Variants in MYCBP2 observed in about 807,000 individuals in gnomAD.
The protein encoded by MYCBP2 is MYC binding protein 2.
MYCBP2 carries 120 observed loss-of-function variants against 525.3 expected under a neutral mutation model. That is an observed-to-expected ratio of 0.23 (90% CI 0.20 to 0.27). The LOEUF (loss-of-function observed/expected upper bound fraction) is 0.27. Among genes scored for constraint, MYCBP2 ranks in the 10% least tolerant of loss-of-function variants. The probability of loss-of-function intolerance (pLI) is 1.00; values close to 1 mark genes in which losing one functional copy is unlikely to be tolerated. For missense variants in MYCBP2, 4,149 were observed against 5,657.1 expected (o/e 0.73, Z 8.55); for synonymous variants, 1,894 against 1,955.8 (o/e 0.97, Z 0.83).
At chr13:77,177,985 G>A in intron 34 of MYCBP2, 31 bp from the exon 35 acceptor site, 1 of 1,333,220 alleles carries the variant, frequency 7.5e-7, no homozygotes. Flanking sequence ...TGTATCAGTA[G>A]TTGGTATACC....
At chr13:77,139,992 C>A (rs759670484) in intron 51 of MYCBP2, 55 bp downstream of exon 51, 5 of 1,221,944 alleles carry the variant, frequency 4.1e-6, no homozygotes, top group Non-Finnish European at 5.8e-6. Flanking sequence ...ATTATGCAAA[C>A]AATGCAAAAA....
In MYCBP2 at chr13:77,171,494, T is replaced by C. The variant is rs1457301244; in HGVS notation, c.5792A>G (p.Asp1931Gly). The change falls in exon 38 of 83, where the codon GAT becomes GGT. Residue 1931 changes from aspartate (D) to glycine (G), a missense_variant and splice_region_variant. Physicochemically the swap from Asp to Gly is moderately conservative, Grantham distance 94 (BLOSUM62 -1). This residue lies in a region of MYCBP2 where 692 missense variants were observed against 852.7 expected (regional missense o/e 0.81). Coordinates refer to ENST00000544440, the MANE Select transcript of MYCBP2 (RefSeq NM_015057.5). Reference protein sequence around the residue: ...KDLLHRALAVDADDIPELLSS... With the variant: ...KDLLHRALAVGADDIPELLSS... ...TACTGAGAAAGAAAAAATATTACCATCCACAGCAAGAGCTCTGTGCAGGAG... is the reference window on the plus strand; with the variant it reads ...TACTGAGAAAGAAAAAATATTACCACCCACAGCAAGAGCTCTGTGCAGGAG... 1.9e-6 allele frequency: 3 copies of C among 1,609,898 alleles called. No homozygotes were observed. In the Admixed American group the frequency reaches 5.1e-5, roughly 27 times the overall value.
Position 77,251,454 on chromosome 13 carries a change from T to G in MYCBP2, c.2177-99A>C, listed in dbSNP as rs963647948. On this transcript the variant is annotated intron_variant, in intron 14 of 82. Transcript: ENST00000544440. ...AGTTTAAAAAATGACAGCATGCTAA[T>G]CCAAGCAATTATACAAAGAAATGCT... 4 of 963,628 alleles carry G rather than the reference T, an allele frequency of 4.2e-6. No individual in the cohort carries two copies. In the African/African-American group the frequency reaches 6.5e-5, roughly 16 times the overall value. The allele number at this position is 963,628 out of a possible 1,614,324, so 59.7% of individuals were successfully genotyped here.
chr13:77,155,695 A>G (rs2057128429), intron 46 of MYCBP2, among the ~76,000 whole-genome samples: 2 of 152,144 alleles, frequency 1.3e-5, no homozygotes. Context: ...AACGTACTTG[A>G]GTCTTTCAAA....
Position 77,202,655 on chromosome 13 carries a change from G to A in MYCBP2, c.3843+2601C>T, listed in dbSNP as rs2062772583. Among the ~76,000 whole-genome samples the A allele has an allele frequency of 3.3e-5, 5 of 151,808 alleles. No homozygotes were observed. In the South Asian group the frequency reaches 1.0e-3, roughly 32 times the overall value. ...ATGCAAAAATCCTCAATAAAATACT[G>A]GCAAAACGAATCCAGCAGCACATCA... On this transcript the variant is annotated intron_variant, in intron 26 of 82. Coordinates refer to ENST00000544440, the MANE Select transcript of MYCBP2 (RefSeq NM_015057.5).
At chr13:77,139,587 C>T (rs376951416) in intron 51 of MYCBP2, among the ~76,000 whole-genome samples, 6 of 152,278 alleles carry the variant, frequency 3.9e-5, no homozygotes, top group South Asian at 4.1e-4. Context: ...AAGGAAACCA[C>T]ACTTTAAGAT....
intron 40 of MYCBP2, among the ~76,000 whole-genome samples, chr13:77,168,093 T>G (rs1184717605): frequency 6.6e-6 from 1 of 152,168 alleles, no homozygotes; most frequent in African/African-American, 2.4e-5. Context: ...ACAAATAATG[T>G]TAGTTCAAAA....
intron 1 of MYCBP2, among the ~76,000 whole-genome samples, chr13:77,322,834 T>G (rs1357841171): frequency 1.3e-5 from 2 of 152,130 alleles, no homozygotes; most frequent in African/African-American, 4.8e-5. Flanking sequence ...CTTCATACAT[T>G]TCCTGTCCAA....
chr13:77,271,968 T>A (rs2154345727), intron 5 of MYCBP2, among the ~76,000 whole-genome samples: 1 of 152,278 alleles, frequency 6.6e-6, no homozygotes, highest in East Asian at 1.9e-4. Context: ...TGGGCTTTAA[T>A]ATGGAGTTTA....
At chr13:77,261,717 G>A (rs1461530810) in intron 11 of MYCBP2, among the ~76,000 whole-genome samples, 3 of 151,866 alleles carry the variant, frequency 2.0e-5, no homozygotes, top group Non-Finnish European at 4.4e-5. Context: ...GAAATATTTC[G>A]AGAATTACCA....
rs375639279 is a variant in MYCBP2, at chr13:77,309,884, C to T, written c.303-13210G>A. Among the ~76,000 whole-genome samples, 17 of 152,170 alleles carry T rather than the reference C, an allele frequency of 1.1e-4. No homozygotes were observed. In the East Asian group the frequency reaches 1.7e-3, roughly 16 times the overall value. On this transcript the variant is annotated intron_variant, in intron 1 of 82. Transcript: ENST00000544440. ...ATCTCAGTACTTTGGGAGGTCGAGGCGGGCAAATCACGAGGTCAAGAGATG... is the reference window on the plus strand; with the variant it reads ...ATCTCAGTACTTTGGGAGGTCGAGGTGGGCAAATCACGAGGTCAAGAGATG...
intron 2 of MYCBP2, among the ~76,000 whole-genome samples, chr13:77,289,061 G>A (rs1466965078): frequency 1.3e-5 from 2 of 151,944 alleles, no homozygotes; most frequent in Non-Finnish European, 2.9e-5. Context: ...AATATAAAAA[G>A]CTGTTTTAAA....
intron 26 of MYCBP2, among the ~76,000 whole-genome samples, chr13:77,195,532 G>C (rs937001803): frequency 1.3e-5 from 2 of 152,182 alleles, no homozygotes; most frequent in Non-Finnish European, 2.9e-5. Flanking sequence ...AGGAGGCAGA[G>C]GCTGCAGAGA....
intron 59 of MYCBP2, among the ~76,000 whole-genome samples, chr13:77,092,105 G>A (rs1425211048): frequency 6.7e-6 from 1 of 150,120 alleles, no homozygotes; most frequent in Non-Finnish European, 1.5e-5. Flanking sequence ...ACCTCATTTG[G>A]ATATATATGT....
At chr13:77,067,959 G>A in intron 70 of MYCBP2, 95 bp from the exon 71 acceptor site, 1 of 1,291,294 alleles carries the variant, frequency 7.7e-7, no homozygotes, top group Non-Finnish European at 1.0e-6. Context: ...ACAGGGTCTT[G>A]CTTTGTTGCC....
At chr13:77,129,993 C>A (rs1183747270) in intron 52 of MYCBP2, among the ~76,000 whole-genome samples, 3 of 151,708 alleles carry the variant, frequency 2.0e-5, no homozygotes, top group Admixed American at 6.6e-5. Context: ...TGTTAAGGAA[C>A]AATTAATTCA....
At chr13:77,243,266 T>C in intron 16 of MYCBP2, 106 bp from the exon 17 acceptor site, 1 of 839,858 alleles carries the variant, frequency 1.2e-6, no homozygotes, top group Non-Finnish European at 2.0e-6. Flanking sequence ...AAAAACATTG[T>C]CTAAAACACA....
intron 61 of MYCBP2, 81 bp downstream of exon 61, chr13:77,088,751 T>C: frequency 5.6e-6 from 7 of 1,240,854 alleles, no homozygotes; most frequent in Non-Finnish European, 6.9e-6. Context: ...TTTCTGTTGG[T>C]AAAAAAGTGG....
intron 52 of MYCBP2, among the ~76,000 whole-genome samples, chr13:77,135,734 T>G (rs867816885): frequency 9.2e-5 from 14 of 152,344 alleles, no homozygotes; most frequent in South Asian, 2.1e-4. Context: ...TATACCAAAC[T>G]GCTCTGTTTC....
Sources: gnomAD v4.1 joint callset for allele counts (sites outside exome capture counted in the v4.1 genomes callset) on GRCh38, gnomAD v4.1.1 for gene constraint, gnomAD v4.1.1 regional missense constraint, MANE v1.5 for transcripts, NCBI Gene and HGNC (gene_info 2026-07-23, HGNC 2026-07-21) for gene names.